The following VPS35L variants were observed in gnomAD, a reference collection of about 807,000 sequenced individuals.
The protein encoded by VPS35L is VPS35 endosomal protein sorting factor like, also known as VPS35 endosomal protein-sorting factor-like.
In VPS35L, 83 loss-of-function variants were observed where a neutral mutation model predicts 133.0. The observed-to-expected ratio is 0.62, with a 90% CI of 0.52 to 0.75. The LOEUF is 0.75. Among genes scored for constraint, VPS35L ranks in the 30% least tolerant of loss-of-function variants. VPS35L has a pLI of 0.00. For missense variants in VPS35L, 1,083 were observed against 1,206.8 expected, an observed-to-expected ratio of 0.90 and a Z score of 1.52; for synonymous variants, 423 against 449.9, an observed-to-expected ratio of 0.94 and a Z score of 0.76.
intron 26 of VPS35L, among the ~76,000 whole-genome samples, chr16:19,656,070 C>T (rs963032955): frequency 6.6e-6 from 1 of 151,828 alleles, no homozygotes; most frequent in Non-Finnish European, 1.5e-5. Context: ...CAAGACCAGC[C>T]TGGCCAACAT....
chr16:19,669,374 C>A, intron 27 of VPS35L, 75 bp downstream of exon 27: 2 of 1,458,462 alleles, frequency 1.4e-6, no homozygotes, highest in Non-Finnish European at 1.8e-6. Context: ...GTTCTTAGGC[C>A]TAAAACTGCA....
chr16:19,632,183 G>A (rs1973478047), intron 18 of VPS35L, among the ~76,000 whole-genome samples: 1 of 151,956 alleles, frequency 6.6e-6, no homozygotes, highest in Admixed American at 6.5e-5. Flanking sequence ...GGCTGGTCTC[G>A]AACTCCTGAC....
At chr16:19,667,788 G>C (rs953276893) in intron 26 of VPS35L, among the ~76,000 whole-genome samples, 3 of 150,558 alleles carry the variant, frequency 2.0e-5, no homozygotes, top group Non-Finnish European at 4.4e-5. Context: ...GTATGATTAT[G>C]TTGGTCTCAT....
chr16:19,594,059 C>A (rs750712327), intron 8 of VPS35L, among the ~76,000 whole-genome samples: 2 of 152,170 alleles, frequency 1.3e-5, no homozygotes, highest in Admixed American at 6.5e-5. Context: ...TCCAAGCATT[C>A]CCACAGAAGT....
At chr16:19,643,191 A>G (rs1973838325) in intron 22 of VPS35L, among the ~76,000 whole-genome samples, 1 of 152,226 alleles carries the variant, frequency 6.6e-6, no homozygotes, top group African/African-American at 2.4e-5. Flanking sequence ...GGGTAGTTAC[A>G]AAAATCAAAG....
intron 19 of VPS35L, among the ~76,000 whole-genome samples, chr16:19,634,678 C>A (rs1973570480): frequency 6.6e-6 from 1 of 152,112 alleles, no homozygotes; most frequent in South Asian, 2.1e-4. Flanking sequence ...CCAGTAAAGA[C>A]AAGAATTGTC....
At chr16:19,585,919 A>G (rs1481769309) in intron 7 of VPS35L, among the ~76,000 whole-genome samples, 1 of 151,706 alleles carries the variant, frequency 6.6e-6, no homozygotes. Context: ...TCCTTGGGAG[A>G]CAAGGTCTTG....
intron 28 of VPS35L, among the ~76,000 whole-genome samples, chr16:19,690,317 T>C (rs1482909471): frequency 2.0e-5 from 3 of 149,832 alleles, no homozygotes; most frequent in Admixed American, 1.3e-4. Flanking sequence ...GAGGAAGGAG[T>C]GGGGAGGGAA....
In VPS35L at chr16:19,555,760, G is replaced by A. The variant is rs372470053; in HGVS notation, c.17+14G>A. On this transcript the variant is annotated intron_variant, in intron 1 of 30. Transcript: ENST00000417362. Reference sequence around the variant, plus strand: ...CGTCTTTCCTTGGTAAGGAAGCAGCGGCGGGTGGGCTTTGGAGAGGGGCTG... The same window carrying A: ...CGTCTTTCCTTGGTAAGGAAGCAGCAGCGGGTGGGCTTTGGAGAGGGGCTG... 161 of 1,569,088 alleles carry A rather than the reference G, an allele frequency of 1.0e-4. No homozygotes were observed. Among genetic ancestry groups the A allele is most frequent in the Non-Finnish European group, 1.3e-4 (153 of 1,158,408 alleles).
chr16:19,692,978 A>G (rs1034822673), intron 29 of VPS35L, among the ~76,000 whole-genome samples: 9 of 152,202 alleles, frequency 5.9e-5, no homozygotes, highest in African/African-American at 2.2e-4. Flanking sequence ...TTAGTAGTTG[A>G]AAGGGCAGAG....
intron 9 of VPS35L, among the ~76,000 whole-genome samples, chr16:19,602,590 A>G (rs968593044): frequency 6.6e-6 from 1 of 150,746 alleles, no homozygotes; most frequent in African/African-American, 2.4e-5. Context: ...CTGTCCATCA[A>G]TCGATCAATT....
intron 5 of VPS35L, chr16:19,578,497 G>A (rs894694624): frequency 2.8e-6 from 1 of 358,824 alleles, no homozygotes; most frequent in Non-Finnish European, 5.4e-6. Context: ...CCTGTGGCCT[G>A]GGGGCCCTTC....
chr16:19,592,366 C>T (rs1262587245), intron 8 of VPS35L, among the ~76,000 whole-genome samples: 1 of 152,058 alleles, frequency 6.6e-6, no homozygotes, highest in Non-Finnish European at 1.5e-5. Flanking sequence ...AGGCATGAGC[C>T]ACCATGCCTG....
Position 19,581,511 on chromosome 16 carries a change from C to A in VPS35L, c.511-14C>A. ...TTTCCTGCTATGCCTTCACCTTCTG[C>A]CTTCTCCCCACAGGGTTCCCAAAAG... On this transcript the variant is annotated splice_polypyrimidine_tract_variant and intron_variant, in intron 6 of 30. Transcript: ENST00000417362. 1 of 1,569,612 alleles carries A rather than the reference C, an allele frequency of 6.4e-7. No homozygotes were observed. Among genetic ancestry groups the A allele is most frequent in the Admixed American group, 1.8e-5 (1 of 54,116 alleles).
intron 8 of VPS35L, among the ~76,000 whole-genome samples, chr16:19,594,170 T>C (rs933259364): frequency 1.3e-5 from 2 of 152,022 alleles, no homozygotes; most frequent in Admixed American, 6.6e-5. Context: ...CAGGCCTGGG[T>C]CACCCCAAAA....
chr16:19,595,571 G>A (rs1972187428), intron 8 of VPS35L, among the ~76,000 whole-genome samples: 2 of 152,060 alleles, frequency 1.3e-5, no homozygotes, highest in African/African-American at 4.8e-5. Context: ...TTTTGTATGA[G>A]TCAGCTTTCC....
rs758857505 is a variant in VPS35L, at chr16:19,647,749, A to C, written c.1930-35A>C. ...TGCCTGCGTTCTCTCTAAAAATACCACTGTCCCTTTCAGCGTCTTTCTCCT... is the reference window on the plus strand; with the variant it reads ...TGCCTGCGTTCTCTCTAAAAATACCCCTGTCCCTTTCAGCGTCTTTCTCCT... On this transcript the variant is annotated intron_variant, in intron 23 of 30. Transcript: ENST00000417362. The C allele has an allele frequency of 4.6e-6, 7 of 1,529,302 alleles. No homozygotes were observed. The South Asian group carries it at 7.8e-5, about 17-fold the overall frequency. 94.7% of individuals were successfully genotyped at this position (1,529,302 alleles called of 1,614,324 possible).
At chr16:19,656,247 A>G (rs1398255495) in intron 26 of VPS35L, among the ~76,000 whole-genome samples, 22 of 147,840 alleles carry the variant, frequency 1.5e-4, no homozygotes, top group Middle Eastern at 3.4e-3. Context: ...CTGGGCAACA[A>G]AGCGAGACTC....
intron 1 of VPS35L, among the ~76,000 whole-genome samples, chr16:19,562,070 A>T (rs527506989): frequency 4.6e-5 from 7 of 152,122 alleles, no homozygotes; most frequent in African/African-American, 1.7e-4. Context: ...GCACCACTGC[A>T]CTCCAGTGAG....
Sources: gnomAD v4.1 joint callset for allele counts (sites outside exome capture counted in the v4.1 genomes callset) on GRCh38, gnomAD v4.1.1 for gene constraint, MANE v1.5 for transcripts, NCBI Gene and HGNC (gene_info 2026-07-23, HGNC 2026-07-21) for gene names.